Variants in SCHIP1 observed in about 807,000 individuals in gnomAD.
SCHIP1 encodes the protein schwannomin interacting protein 1.
In SCHIP1, 8 loss-of-function variants were observed where a neutral mutation model predicts 29.7. The ratio of observed to expected loss-of-function variants is 0.27; its 90% CI spans 0.16 to 0.49. The LOEUF (loss-of-function observed/expected upper bound fraction) is 0.49, where lower values mean the gene tolerates loss of function less well. SCHIP1 is among the 20% of genes least tolerant of loss of function. The pLI, the probability that SCHIP1 is intolerant of heterozygous loss-of-function variation, is 0.99. For synonymous variants in SCHIP1, 76 were observed against 94.9 expected (o/e 0.80, Z 1.16); for missense variants, 193 against 294.6 (o/e 0.66, Z 2.52).
chr3:159,592,733 ACTC>A, the SCHIP1 span, among the ~76,000 whole-genome samples: 3 of 151,704 alleles, frequency 2.0e-5, no homozygotes, highest in African/African-American at 7.3e-5. Flanking sequence ...TGTACAGACA[ACTC>A]CTCATAACAC....
the SCHIP1 span, among the ~76,000 whole-genome samples, chr3:159,370,032 C>T: frequency 1.3e-5 from 2 of 152,186 alleles, no homozygotes; most frequent in Non-Finnish European, 2.9e-5. Flanking sequence ...CGTGTGACCT[C>T]AGGTAAAATT....
the SCHIP1 span, among the ~76,000 whole-genome samples, chr3:159,446,550 C>T: frequency 2.6e-5 from 4 of 151,958 alleles, no homozygotes; most frequent in Non-Finnish European, 5.9e-5. Flanking sequence ...TGCATTACAG[C>T]AATACAATAT....
intron 5 of SCHIP1, 142 bp downstream of exon 6, chr3:159,889,085 C>G: frequency 8.3e-7 from 1 of 1,203,622 alleles, no homozygotes; most frequent in Non-Finnish European, 1.1e-6. Context: ...TCACAAGGCT[C>G]TTTTTTGTTG....
chr3:159,304,343 C>T, the SCHIP1 span, among the ~76,000 whole-genome samples: 2 of 152,154 alleles, frequency 1.3e-5, no homozygotes, highest in African/African-American at 4.8e-5. Context: ...AACTTTACAG[C>T]TCTCCAAGGA....
intron 1 of SCHIP1, among the ~76,000 whole-genome samples, chr3:159,859,555 G>GTGA: frequency 6.6e-6 from 1 of 152,300 alleles, no homozygotes; most frequent in Admixed American, 6.5e-5. Flanking sequence ...GCTGCTAATG[G>GTGA]TGATGATGCC....
chr3:159,833,532 G>A, the SCHIP1 span, among the ~76,000 whole-genome samples: 3 of 152,150 alleles, frequency 2.0e-5, no homozygotes, highest in Non-Finnish European at 2.9e-5. Flanking sequence ...TTACCTTGCC[G>A]CTTGGGGATT....
At chr3:159,348,403 A>G in the SCHIP1 span, among the ~76,000 whole-genome samples, 1 of 152,240 alleles carries the variant, frequency 6.6e-6, no homozygotes, top group East Asian at 1.9e-4. Context: ...ATTAAACCAT[A>G]TTTACACAAA....
At chr3:159,590,018 T>C in the SCHIP1 span, among the ~76,000 whole-genome samples, 10 of 152,302 alleles carry the variant, frequency 6.6e-5, no homozygotes, top group African/African-American at 2.2e-4. Flanking sequence ...TATGTCCCAA[T>C]TTATCTGAAA....
the SCHIP1 span, among the ~76,000 whole-genome samples, chr3:159,763,000 CCT>C: frequency 6.6e-6 from 1 of 152,224 alleles, no homozygotes; most frequent in South Asian, 2.1e-4. Flanking sequence ...ACCCGCTTCC[CCT>C]GTCTCCTTGC....
At chr3:159,573,835 T>C in the SCHIP1 span, among the ~76,000 whole-genome samples, 1 of 152,134 alleles carries the variant, frequency 6.6e-6, no homozygotes, top group Admixed American at 6.5e-5. Context: ...TCTAACCTTG[T>C]TTTCTCACTT....
chr3:159,793,514 G>T, the SCHIP1 span, among the ~76,000 whole-genome samples: 2 of 152,118 alleles, frequency 1.3e-5, no homozygotes, highest in Non-Finnish European at 2.9e-5. Context: ...AGTCTGAAAT[G>T]GTCTTACAGG....
At chr3:159,351,838 G>A in the SCHIP1 span, among the ~76,000 whole-genome samples, 1 of 152,142 alleles carries the variant, frequency 6.6e-6, no homozygotes, top group Non-Finnish European at 1.5e-5. Context: ...CCTCAGATAT[G>A]AAGGGAGAGG....
the SCHIP1 span, among the ~76,000 whole-genome samples, chr3:159,703,147 T>C: frequency 1.2e-3 from 189 of 152,314 alleles, no homozygotes; most frequent in African/African-American, 4.5e-3. Context: ...GTGTGGTACC[T>C]TTCTGTTTAG....
chr3:159,839,935 T>A, exon 1 of SCHIP1: 2 of 1,409,956 alleles, frequency 1.4e-6, no homozygotes, highest in Non-Finnish European at 1.8e-6. Flanking sequence ...CGGTCCCAGC[T>A]CCATGTTCCT....
the SCHIP1 span, among the ~76,000 whole-genome samples, chr3:159,549,364 C>G: frequency 3.9e-5 from 6 of 152,040 alleles, no homozygotes; most frequent in Admixed American, 1.3e-4. Context: ...TTTGTGTCCC[C>G]CCACAAAATT....
the SCHIP1 span, among the ~76,000 whole-genome samples, chr3:159,425,649 C>T: frequency 6.6e-6 from 1 of 152,152 alleles, no homozygotes; most frequent in Admixed American, 6.5e-5. Context: ...AGAAAGTTAA[C>T]AAGGATACCC....
At chr3:159,432,110 C>T in the SCHIP1 span, among the ~76,000 whole-genome samples, 11 of 152,154 alleles carry the variant, frequency 7.2e-5, no homozygotes, top group East Asian at 3.9e-4. Context: ...ACAGTTAAGA[C>T]GTTGACTGGA....
the SCHIP1 span, among the ~76,000 whole-genome samples, chr3:159,383,916 G>T: frequency 1.3e-5 from 2 of 151,168 alleles, no homozygotes; most frequent in Admixed American, 6.6e-5. Flanking sequence ...GTTTGTCTGT[G>T]ATTGGTGTAT....
At chr3:159,296,141 C>T in the SCHIP1 span, among the ~76,000 whole-genome samples, 3 of 144,436 alleles carry the variant, frequency 2.1e-5, no homozygotes, top group South Asian at 2.2e-4. Context: ...GCTTGCTGCT[C>T]TTTTTTTTTT....
Sources: gnomAD v4.1 joint callset for allele counts (sites outside exome capture counted in the v4.1 genomes callset) on GRCh38, gnomAD v4.1.1 for gene constraint, MANE v1.5 for transcripts, NCBI Gene and HGNC (gene_info 2026-07-23, HGNC 2026-07-21) for gene names.